ST8SIA2: variants seen among roughly 807,000 people sequenced by gnomAD.
The protein encoded by ST8SIA2 is alpha-2,8-sialyltransferase 8B.
In ST8SIA2, 22 loss-of-function variants were observed where a neutral mutation model predicts 37.6. The observed-to-expected ratio is 0.58, with a 90% CI of 0.42 to 0.83. The LOEUF is 0.83. ST8SIA2 is among the 40% of genes least tolerant of loss of function. ST8SIA2 has a pLI of 0.00. For synonymous variants in ST8SIA2, 205 were observed against 201.2 expected (o/e 1.02, Z -0.16); for missense variants, 382 against 484.7 (o/e 0.79, Z 1.99).
chr15:92,466,756 G>C lies in ST8SIA2; in HGVS notation c.*2371G>C, dbSNP rs2049995098. The C allele has an allele frequency of 6.6e-6, 1 of 152,292 alleles. No individual in the cohort carries two copies. Among genetic ancestry groups the C allele is most frequent in the African/African-American group, 2.4e-5 (1 of 41,436 alleles). The allele number at this position is 152,292 out of a possible 1,614,324, so 9.4% of individuals were successfully genotyped here. The stretch of plus-strand genomic sequence containing the variant: ...TGTGCACCGTTCCCCTCCTCGGCTT[G>C]AGTCCTGCACTACCAAAATGGCCTG... On this transcript the variant is annotated 3_prime_UTR_variant, in exon 6 of 6. Transcript: ENST00000268164.
intron 1 of ST8SIA2, among the ~76,000 whole-genome samples, chr15:92,427,596 T>TA (rs1383089244): frequency 1.7e-4 from 26 of 152,298 alleles, no homozygotes; most frequent in Non-Finnish European, 3.2e-4. Context: ...GTCCCTCCCA[T>TA]ACACTCCTCA....
Position 92,447,195 on chromosome 15 carries a change from G to T in ST8SIA2, c.842+2266G>T, listed in dbSNP as rs551904803. ...GTAAAGGCAGCAGGATTTGCCGGTG[G>T]ATTCTATTTAAGGACCATAATGGGG... On this transcript the variant is annotated intron_variant, in intron 5 of 5. Transcript: ENST00000268164. Among the ~76,000 whole-genome samples the T allele has an allele frequency of 2.0e-5, 3 of 152,256 alleles. No homozygotes were observed. The East Asian group carries it at 5.8e-4, about 29-fold the overall frequency.
At chr15:92,400,445 C>A (rs1596227336) in intron 1 of ST8SIA2, among the ~76,000 whole-genome samples, 1 of 152,206 alleles carries the variant, frequency 6.6e-6, no homozygotes, top group South Asian at 2.1e-4. Context: ...ACTATTCTAA[C>A]AACAATTAAA....
Position 92,430,258 on chromosome 15 carries a change from G to T in ST8SIA2, c.161+147G>T, listed in dbSNP as rs550936896. On this transcript the variant is annotated intron_variant, in intron 2 of 5. Coordinates refer to ENST00000268164, the MANE Select transcript of ST8SIA2 (RefSeq NM_006011.4). Reference sequence around the variant, plus strand: ...GCTTTGCATTTCCCTAATCACTTTTGGGGGGAGCTGTCAATGGAAGATCAC... The same window carrying T: ...GCTTTGCATTTCCCTAATCACTTTTTGGGGGAGCTGTCAATGGAAGATCAC... 4.6e-4 allele frequency: 376 copies of T among 818,532 alleles called. 1 individual carries two copies. The highest frequency in any genetic ancestry group is 4.6e-3 in the African/African-American group (271 of 59,066). The allele number at this position is 818,532 out of a possible 1,614,324, so 50.7% of individuals were successfully genotyped here.
intron 1 of ST8SIA2, among the ~76,000 whole-genome samples, chr15:92,418,610 C>T (rs2049606996): frequency 1.3e-5 from 2 of 152,020 alleles, no homozygotes; most frequent in African/African-American, 4.8e-5. Flanking sequence ...TTTGTCCTGT[C>T]TGGGACAAGA....
chr15:92,423,720 C>T (rs2049654019), intron 1 of ST8SIA2, among the ~76,000 whole-genome samples: 3 of 152,248 alleles, frequency 2.0e-5, no homozygotes, highest in Admixed American at 1.3e-4. Flanking sequence ...ATGGGCAGAG[C>T]CCTTAGACCT....
At chr15:92,406,251 A>G (rs2049507196) in intron 1 of ST8SIA2, among the ~76,000 whole-genome samples, 1 of 152,190 alleles carries the variant, frequency 6.6e-6, no homozygotes, top group Non-Finnish European at 1.5e-5. Context: ...TTTGTTAAAA[A>G]CAGAACGCTG....
chr15:92,408,898 G>T (rs1161015473), intron 1 of ST8SIA2, among the ~76,000 whole-genome samples: 1 of 151,824 alleles, frequency 6.6e-6, no homozygotes, highest in Non-Finnish European at 1.5e-5. Flanking sequence ...TAGAGGCGGG[G>T]TTTCACCATG....
At chr15:92,414,060 C>G (rs2049569667) in intron 1 of ST8SIA2, among the ~76,000 whole-genome samples, 1 of 152,346 alleles carries the variant, frequency 6.6e-6, no homozygotes, top group Middle Eastern at 3.4e-3. Context: ...CCCATTGATT[C>G]TTCTTTGTAC....
intron 5 of ST8SIA2, among the ~76,000 whole-genome samples, chr15:92,452,658 G>A (rs1231484488): frequency 6.6e-6 from 1 of 152,196 alleles, no homozygotes; most frequent in Non-Finnish European, 1.5e-5. Flanking sequence ...TCCTTTGTGA[G>A]GCAGGCAGCA....
chr15:92,448,996 G>A (rs886309030), intron 5 of ST8SIA2, among the ~76,000 whole-genome samples: 2 of 152,012 alleles, frequency 1.3e-5, no homozygotes, highest in Non-Finnish European at 2.9e-5. Context: ...TAAAATTTAT[G>A]ATTTTAATGA....
chr15:92,401,069 C>T (rs1266112306), intron 1 of ST8SIA2, among the ~76,000 whole-genome samples: 1 of 152,098 alleles, frequency 6.6e-6, no homozygotes, highest in African/African-American at 2.4e-5. Context: ...TAGATAAGGT[C>T]CGGAGCCTCA....
chr15:92,463,529 C>G (rs1391607818), intron 5 of ST8SIA2, among the ~76,000 whole-genome samples: 3 of 152,064 alleles, frequency 2.0e-5, no homozygotes, highest in African/African-American at 7.3e-5. Flanking sequence ...CCCTGTGGGA[C>G]TCTTGGAAAG....
At chr15:92,454,541 A>G (rs1403492997) in intron 5 of ST8SIA2, among the ~76,000 whole-genome samples, 1 of 151,988 alleles carries the variant, frequency 6.6e-6, no homozygotes, top group Non-Finnish European at 1.5e-5. Context: ...CATTCAACAC[A>G]TCTGAGTCTC....
intron 1 of ST8SIA2, among the ~76,000 whole-genome samples, chr15:92,417,160 G>A (rs1411018375): frequency 6.6e-6 from 1 of 152,144 alleles, no homozygotes; most frequent in African/African-American, 2.4e-5. Context: ...TCAAAACTGA[G>A]AGAGGTCTAG....
chr15:92,394,881 G>T (rs904380648), intron 1 of ST8SIA2, among the ~76,000 whole-genome samples: 9 of 152,170 alleles, frequency 5.9e-5, no homozygotes, highest in Non-Finnish European at 1.3e-4. Flanking sequence ...GACATTTCGG[G>T]AAAGTCTGTA....
chr15:92,406,083 G>C (rs939655760), intron 1 of ST8SIA2, among the ~76,000 whole-genome samples: 2 of 152,120 alleles, frequency 1.3e-5, no homozygotes, highest in African/African-American at 4.8e-5. Context: ...CCCAAGATTT[G>C]GCTCCTGCTG....
At chr15:92,407,171 CAGAT>C (rs751161269) in intron 1 of ST8SIA2, among the ~76,000 whole-genome samples, 112 of 152,250 alleles carry the variant, frequency 7.4e-4, no homozygotes, top group Admixed American at 1.4e-3. Flanking sequence ...AACTGAGACT[CAGAT>C]AGAGTGACTG....
At chr15:92,452,262 C>A (rs527250930) in intron 5 of ST8SIA2, among the ~76,000 whole-genome samples, 11 of 152,290 alleles carry the variant, frequency 7.2e-5, no homozygotes, top group African/African-American at 2.4e-4. Flanking sequence ...AGGCCCACCC[C>A]AGACCTGGTG....
Sources: allele counts gnomAD v4.1 joint callset (sites outside exome capture counted in the v4.1 genomes callset), GRCh38; gene constraint gnomAD v4.1.1; transcripts MANE v1.5; gene names NCBI Gene and HGNC (gene_info 2026-07-23, HGNC 2026-07-21).